LUZP2: variants seen among roughly 807,000 people sequenced by gnomAD.
LUZP2 encodes the protein leucine zipper protein 2.
In LUZP2, 52 loss-of-function variants were observed where a neutral mutation model predicts 51.6. The ratio of observed to expected loss-of-function variants is 1.01; its 90% CI spans 0.81 to 1.27. The LOEUF (loss-of-function observed/expected upper bound fraction) is 1.27. Ranked by LOEUF, LUZP2 falls within the 50% of genes most tolerant of loss-of-function variation. The pLI is 0.00. For synonymous variants in LUZP2, 154 were observed against 137.3 expected (o/e 1.12, Z -0.85); for missense variants, 436 against 395.4 (o/e 1.10, Z -0.87).
intron 1 of LUZP2, among the ~76,000 whole-genome samples, chr11:24,574,460 T>C (rs1367424781): frequency 6.6e-6 from 1 of 151,522 alleles, no homozygotes; most frequent in East Asian, 1.9e-4. Flanking sequence ...TGAGTATGTA[T>C]GTGACTTAGA....
intron 5 of LUZP2, among the ~76,000 whole-genome samples, chr11:24,861,433 C>G (rs1021942671): frequency 1.3e-5 from 2 of 152,188 alleles, no homozygotes; most frequent in Admixed American, 1.3e-4. Context: ...AAACACACTT[C>G]AGGATATTAT....
chr11:24,664,443 G>A (rs1257565636), intron 1 of LUZP2, among the ~76,000 whole-genome samples: 5 of 152,170 alleles, frequency 3.3e-5, no homozygotes, highest in African/African-American at 1.2e-4. Flanking sequence ...ATTCAAGCCA[G>A]TTGGAGAAAT....
intron 7 of LUZP2, among the ~76,000 whole-genome samples, chr11:24,963,100 G>A (rs1855467133): frequency 6.6e-6 from 1 of 152,162 alleles, no homozygotes; most frequent in Non-Finnish European, 1.5e-5. Flanking sequence ...CGCGAATGCT[G>A]CTGTCTGATC....
At chr11:24,785,985 T>C (rs1564889717) in intron 5 of LUZP2, 5 of 985,324 alleles carry the variant, frequency 5.1e-6, no homozygotes, top group Non-Finnish European at 6.0e-6. Flanking sequence ...CTTACAAGCT[T>C]CACATTTGAC....
intron 1 of LUZP2, among the ~76,000 whole-genome samples, chr11:24,662,234 A>G (rs1458103249): frequency 6.6e-6 from 1 of 152,192 alleles, no homozygotes; most frequent in Non-Finnish European, 1.5e-5. Context: ...TCTTAGCTTC[A>G]GAGGCATGAG....
intron 7 of LUZP2, among the ~76,000 whole-genome samples, chr11:24,967,933 T>C (rs1288364649): frequency 2.6e-5 from 4 of 152,204 alleles, no homozygotes; most frequent in Admixed American, 6.6e-5. Flanking sequence ...TATGTTGCGA[T>C]GGAGATTGTG....
At chr11:24,637,245 A>G (rs1322612481) in intron 1 of LUZP2, among the ~76,000 whole-genome samples, 1 of 151,932 alleles carries the variant, frequency 6.6e-6, no homozygotes, top group East Asian at 1.9e-4. Flanking sequence ...TTTCATGGAC[A>G]TTTATCAGTT....
chr11:24,857,467 A>C (rs1346559576), intron 5 of LUZP2, among the ~76,000 whole-genome samples: 1 of 151,686 alleles, frequency 6.6e-6, no homozygotes, highest in East Asian at 1.9e-4. Flanking sequence ...ATTCTGTATA[A>C]ATTCACAGTG....
chr11:25,074,072 A>C (rs893265267), intron 10 of LUZP2, among the ~76,000 whole-genome samples: 1 of 152,124 alleles, frequency 6.6e-6, no homozygotes, highest in Non-Finnish European at 1.5e-5. Context: ...AGTCAAAACT[A>C]CTTTTATACT....
intron 1 of LUZP2, among the ~76,000 whole-genome samples, chr11:24,511,410 A>AT (rs1436659925): frequency 6.7e-6 from 1 of 149,710 alleles, no homozygotes; most frequent in East Asian, 2.0e-4. Flanking sequence ...TTAATTAAAA[A>AT]ATAAAAAAAA....
intron 1 of LUZP2, among the ~76,000 whole-genome samples, chr11:24,662,944 T>C (rs1278955550): frequency 1.3e-5 from 2 of 151,696 alleles, no homozygotes; most frequent in Non-Finnish European, 2.9e-5. Context: ...TACAAAAAAT[T>C]CATTAAAATG....
chr11:24,892,785 C>A (rs1852897742), intron 5 of LUZP2: 1 of 152,160 alleles, frequency 6.6e-6, no homozygotes, highest in South Asian at 2.1e-4. Flanking sequence ...GAGGACATTT[C>A]TGAATGTATA....
Position 24,513,808 on chromosome 11 carries a change from G to C in LUZP2, c.62+16503G>C, listed in dbSNP as rs958015741. On this transcript the variant is annotated intron_variant, in intron 1 of 11. Coordinates refer to ENST00000336930, the MANE Select transcript of LUZP2 (RefSeq NM_001009909.4). ...CTCTTCTGGAAGATCACCACCTTTT[G>C]TCTCTCTTTGACCTTTCAGAGTCTG... is the stretch of plus-strand genomic sequence containing the variant. Among the ~76,000 whole-genome samples, 3 of 152,150 alleles carry C rather than the reference G, an allele frequency of 2.0e-5. No homozygotes were observed. The South Asian group carries it at 6.2e-4, about 31-fold the overall frequency.
At chr11:25,016,746 T>A (rs1306857450) in intron 9 of LUZP2, among the ~76,000 whole-genome samples, 1 of 152,190 alleles carries the variant, frequency 6.6e-6, no homozygotes, top group Non-Finnish European at 1.5e-5. Context: ...CATATGCATG[T>A]GTCTTTTTCA....
At chr11:25,053,450 G>C (rs1858585249) in intron 10 of LUZP2, among the ~76,000 whole-genome samples, 1 of 151,784 alleles carries the variant, frequency 6.6e-6, no homozygotes, top group African/African-American at 2.4e-5. Context: ...ACCCATATAA[G>C]TGTATGTTTC....
At chr11:24,561,773 TAACA>T (rs1271430429) in intron 1 of LUZP2, among the ~76,000 whole-genome samples, 7 of 151,182 alleles carry the variant, frequency 4.6e-5, no homozygotes, top group African/African-American at 1.7e-4. Context: ...TATACCTATG[TAACA>T]AACCAGCACG....
intron 1 of LUZP2, among the ~76,000 whole-genome samples, chr11:24,712,708 G>A (rs572813384): frequency 3.9e-5 from 6 of 152,226 alleles, no homozygotes; most frequent in Non-Finnish European, 5.9e-5. Context: ...CATATTTGGG[G>A]CATAATTGAG....
At chr11:24,887,084 G>T (rs1178333683) in intron 5 of LUZP2, among the ~76,000 whole-genome samples, 6 of 152,122 alleles carry the variant, frequency 3.9e-5, no homozygotes, top group African/African-American at 9.7e-5. Context: ...TGTCTGACCT[G>T]TTTATGCCTG....
intron 5 of LUZP2, among the ~76,000 whole-genome samples, chr11:24,851,328 G>T (rs1470040889): frequency 6.6e-6 from 1 of 151,806 alleles, no homozygotes; most frequent in Non-Finnish European, 1.5e-5. Context: ...ATTGAATTTT[G>T]TTGAAGGCCC....
Sources: allele counts gnomAD v4.1 joint callset (sites outside exome capture counted in the v4.1 genomes callset), GRCh38; gene constraint gnomAD v4.1.1; transcripts MANE v1.5; gene names NCBI Gene and HGNC (gene_info 2026-07-23, HGNC 2026-07-21).